The following RBFOX1 variants were observed in gnomAD, a reference collection of about 807,000 sequenced individuals.
RBFOX1 encodes RNA binding protein fox-1 homolog 1.
In RBFOX1, 8 loss-of-function variants were observed where a neutral mutation model predicts 57.7. The ratio of observed to expected loss-of-function variants is 0.14; its 90% CI spans 0.08 to 0.25. The LOEUF (loss-of-function observed/expected upper bound fraction) is 0.25. Among genes scored for constraint, RBFOX1 ranks in the 10% least tolerant of loss-of-function variants. The pLI, the probability that RBFOX1 is intolerant of heterozygous loss-of-function variation, is 1.00. For missense variants in RBFOX1, 611 were observed against 548.5 expected, an observed-to-expected ratio of 1.11 and a Z score of -1.14; for synonymous variants, 326 against 222.4, an observed-to-expected ratio of 1.47 and a Z score of -4.15.
chr16:6,428,729 C>A (rs978580789), intron 2 of RBFOX1, among the ~76,000 whole-genome samples: 1 of 152,150 alleles, frequency 6.6e-6, no homozygotes, highest in Admixed American at 6.5e-5. Context: ...GCTACGTAAA[C>A]AAAATATACA....
chr16:7,114,269 C>A (rs925461634), intron 4 of RBFOX1, among the ~76,000 whole-genome samples: 1 of 151,670 alleles, frequency 6.6e-6, no homozygotes, highest in Non-Finnish European at 1.5e-5. Flanking sequence ...TACTTGTGTA[C>A]ACATTTTGGA....
At chr16:6,780,872 T>A (rs188114742) in intron 3 of RBFOX1, among the ~76,000 whole-genome samples, 87 of 152,180 alleles carry the variant, frequency 5.7e-4, no homozygotes, top group Non-Finnish European at 5.9e-5. Context: ...TTGTTTGAGC[T>A]CCTCACATGT....
At chr16:7,287,890 G>A (rs575449251) in intron 4 of RBFOX1, among the ~76,000 whole-genome samples, 5 of 152,212 alleles carry the variant, frequency 3.3e-5, no homozygotes, top group Admixed American at 1.3e-4. Context: ...TGCTTCTTAA[G>A]CTGTTTTTCC....
At chr16:5,654,674 C>T (rs925903223) in intron 3 of RBFOX1, among the ~76,000 whole-genome samples, 5 of 152,238 alleles carry the variant, frequency 3.3e-5, no homozygotes, top group East Asian at 1.9e-4. Flanking sequence ...CATGACAGTC[C>T]GAGACTGACC....
chr16:6,659,949 G>C (rs766529360), intron 3 of RBFOX1, among the ~76,000 whole-genome samples: 6 of 152,124 alleles, frequency 3.9e-5, no homozygotes, highest in Non-Finnish European at 7.4e-5. Flanking sequence ...GTATTAGGGA[G>C]GCTGGGCACT....
chr16:5,722,086 C>G (rs1010758830), intron 3 of RBFOX1, among the ~76,000 whole-genome samples: 2 of 152,148 alleles, frequency 1.3e-5, no homozygotes, highest in African/African-American at 4.8e-5. Flanking sequence ...AGCCAAGAGC[C>G]TTTAAAAGAA....
At chr16:6,963,303 T>G (rs185282815) in intron 3 of RBFOX1, among the ~76,000 whole-genome samples, 6 of 152,236 alleles carry the variant, frequency 3.9e-5, no homozygotes, top group Admixed American at 3.9e-4. Context: ...TTTTTGTTGC[T>G]CTTGTTGTTT....
chr16:5,931,016 G>A (rs1261959031), intron 4 of RBFOX1, among the ~76,000 whole-genome samples: 1 of 152,006 alleles, frequency 6.6e-6, no homozygotes, highest in African/African-American at 2.4e-5. Context: ...GTGGTTGAAT[G>A]GATGGATAGA....
At chr16:7,104,943 G>T (rs1364116779) in intron 4 of RBFOX1, among the ~76,000 whole-genome samples, 1 of 149,204 alleles carries the variant, frequency 6.7e-6, no homozygotes, top group Non-Finnish European at 1.5e-5. Flanking sequence ...CTGTGCTTGT[G>T]TGTGTGTGCA....
chr16:7,334,442 G>A (rs1019007845), intron 4 of RBFOX1, among the ~76,000 whole-genome samples: 9 of 152,252 alleles, frequency 5.9e-5, no homozygotes, highest in African/African-American at 2.2e-4. Flanking sequence ...AACGTGGGGT[G>A]AAGGTCGGCT....
chr16:5,273,743 G>A (rs2063073511), intron 1 of RBFOX1, among the ~76,000 whole-genome samples: 1 of 152,130 alleles, frequency 6.6e-6, no homozygotes, highest in Non-Finnish European at 1.5e-5. Flanking sequence ...TGTGAGGAGG[G>A]TCTTGATATA....
chr16:6,167,733 C>A (rs1023011809), intron 1 of RBFOX1, among the ~76,000 whole-genome samples: 4 of 152,074 alleles, frequency 2.6e-5, no homozygotes, highest in African/African-American at 9.7e-5. Context: ...GAAGGTCAGC[C>A]TCATCATTCT....
rs189239519 is a variant in RBFOX1 at position 5,669,015 on chromosome 16, A to G, written c.318+70054A>G. ...TTTAAATGAAAATAATCCTTGCCCA[A>G]TCAGTCCACCCATTGGTACTGTCTG... On this transcript the variant is annotated intron_variant, in intron 3 of 19. Coordinates refer to the RBFOX1 transcript ENST00000641259. Among the ~76,000 whole-genome samples the G allele has an allele frequency of 1.3e-3, 202 of 152,292 alleles. 4 individuals are homozygous for G. The highest frequency in any genetic ancestry group is 1.5e-3 in the East Asian group (8 of 5,178).
At chr16:6,352,874 A>C (rs1241126442) in intron 2 of RBFOX1, among the ~76,000 whole-genome samples, 1 of 151,812 alleles carries the variant, frequency 6.6e-6, no homozygotes, top group South Asian at 2.1e-4. Context: ...CGCAAACACA[A>C]CATGCATCAC....
rs181872867 is a variant in RBFOX1 at position 7,386,320 on chromosome 16, G to A, written c.28-131827G>A. Among the ~76,000 whole-genome samples the A allele has an allele frequency of 1.2e-3, 180 of 152,162 alleles. 1 individual carries two copies. The highest frequency in any genetic ancestry group is 3.7e-3 in the African/African-American group (155 of 41,496). On this transcript the variant is annotated intron_variant, in intron 4 of 15. Transcript: ENST00000550418. ...ACATAGCTATACATGTGCCATGGTGGTTGCTGCACCCATCACCCCGTCATC... is the reference window on the plus strand; with the variant it reads ...ACATAGCTATACATGTGCCATGGTGATTGCTGCACCCATCACCCCGTCATC...
At chr16:6,774,466 A>C (rs112772902) in intron 3 of RBFOX1, among the ~76,000 whole-genome samples, 3,564 of 151,872 alleles carry the variant, frequency 0.023, 65 homozygotes, top group Non-Finnish European at 0.034. Context: ...CAACAACCCA[A>C]TTACCTTTTG....
rs536562013 is a variant in RBFOX1 at position 7,397,845 on chromosome 16, A to G, written c.28-120302A>G. 2.6e-5 allele frequency among the ~76,000 whole-genome samples: 4 copies of G among 152,278 alleles called. No homozygotes were observed. The East Asian group carries it at 7.7e-4, about 29-fold the overall frequency. ...CACGTCCCAAGCTGTGGAACTCTGAATAAACCTCTTAGTCTATTGGAACCT... is the reference window on the plus strand; with the variant it reads ...CACGTCCCAAGCTGTGGAACTCTGAGTAAACCTCTTAGTCTATTGGAACCT... On this transcript the variant is annotated intron_variant, in intron 4 of 15. Transcript: ENST00000550418.
intron 4 of RBFOX1, among the ~76,000 whole-genome samples, chr16:7,294,992 C>A (rs2095862750): frequency 6.6e-6 from 1 of 152,118 alleles, no homozygotes. Flanking sequence ...ATCTACCTTG[C>A]AGGATTTTGT....
intron 14 of RBFOX1, among the ~76,000 whole-genome samples, chr16:7,685,112 C>T (rs1258672863): frequency 6.6e-6 from 1 of 152,004 alleles, no homozygotes; most frequent in African/African-American, 2.4e-5. Context: ...CCGTGCTGAA[C>T]CAGAAGCTGC....
Sources: allele counts gnomAD v4.1 joint callset (sites outside exome capture counted in the v4.1 genomes callset), GRCh38; gene constraint gnomAD v4.1.1; transcripts MANE v1.5; gene names NCBI Gene and HGNC (gene_info 2026-07-23, HGNC 2026-07-21).